Variants in PCDHGB4 observed in about 807,000 individuals in gnomAD.
PCDHGB4 encodes the protein protocadherin gamma-B4.
In PCDHGB4, 38 loss-of-function variants were observed where a neutral mutation model predicts 60.5. The observed-to-expected ratio is 0.63, with a 90% confidence interval of 0.48 to 0.82. PCDHGB4 has a LOEUF of 0.82. PCDHGB4 is among the 40% of genes least tolerant of loss of function. PCDHGB4 has a pLI of 0.00. For missense variants in PCDHGB4, 1,109 were observed against 1,209.6 expected (o/e 0.92, Z 1.23); for synonymous variants, 456 against 509.7 (o/e 0.89, Z 1.42).
chr5:141,474,703 C>A (rs2099353282), intron 1 of PCDHGB4, among the ~76,000 whole-genome samples: 1 of 152,188 alleles, frequency 6.6e-6, no homozygotes, highest in African/African-American at 2.4e-5. Flanking sequence ...GTTCAAGGTT[C>A]TATTATACTT....
chr5:141,399,603 A>G, intron 1 of PCDHGB4: 1 of 1,613,950 alleles, frequency 6.2e-7, no homozygotes, highest in Non-Finnish European at 8.5e-7. Flanking sequence ...CCAGCGACCT[A>G]GAGCCTCTGG....
chr5:141,423,423 G>C (rs1561809630), intron 1 of PCDHGB4: 2 of 1,614,096 alleles, frequency 1.2e-6, no homozygotes, highest in Non-Finnish European at 8.5e-7. Flanking sequence ...CTGAAGGCGG[G>C]TTGGCAGGTA....
In PCDHGB4 at chr5:141,476,653, C is replaced by T; in HGVS notation, c.2398-18154C>T. ...CCTATGAGCTGAGCCGAAATGAATA[C>T]TTTGCGCTTCGCGTGCAGACGCGGG... is the stretch of plus-strand genomic sequence containing the variant. On this transcript the variant is annotated intron_variant, in intron 1 of 3. Transcript: ENST00000519479. The surrounding 1 kb of genome is among the most constrained non-coding windows in gnomAD (Gnocchi z 7.6). 6.2e-7 allele frequency: 1 copy of T among 1,614,270 alleles called. No individual in the cohort carries two copies. The highest frequency in any genetic ancestry group is 8.5e-7 in the Non-Finnish European group (1 of 1,180,058).
intron 1 of PCDHGB4, among the ~76,000 whole-genome samples, chr5:141,434,345 G>C (rs1254991411): frequency 1.3e-5 from 2 of 152,144 alleles, no homozygotes; most frequent in African/African-American, 4.8e-5. Flanking sequence ...GTCGGGAACA[G>C]GCCCCCCAAA....
chr5:141,447,433 C>G (rs756021616), intron 1 of PCDHGB4, among the ~76,000 whole-genome samples: 1 of 152,118 alleles, frequency 6.6e-6, no homozygotes. Context: ...CCACCGCACC[C>G]GGAGGAAATT....
At chr5:141,403,317 A>G (rs576274199) in intron 1 of PCDHGB4, 2 of 1,613,974 alleles carry the variant, frequency 1.2e-6, no homozygotes, top group South Asian at 2.2e-5. Flanking sequence ...ATAGAAATAG[A>G]AGTAACTGAT....
Position 141,512,836 on chromosome 5 carries a change from T to G in PCDHGB4, c.*1663T>G, listed in dbSNP as rs1024777792. On this transcript the variant is annotated 3_prime_UTR_variant, in exon 4 of 4. Transcript: ENST00000519479. ...GGCGACCCCCTCCCCCGTACTGACTTCTCCTATAAGCGCTTCTCTTCGCAT... is the reference window on the plus strand; with the variant it reads ...GGCGACCCCCTCCCCCGTACTGACTGCTCCTATAAGCGCTTCTCTTCGCAT... 2 of 152,222 alleles carry G rather than the reference T, an allele frequency of 1.3e-5. No homozygotes were observed. Among genetic ancestry groups the G allele is most frequent in the African/African-American group, 4.8e-5 (2 of 41,412 alleles). The allele number at this position is 152,222 out of a possible 1,614,324, so 9.4% of individuals were successfully genotyped here. A position where few individuals can be genotyped will look rare whatever the true frequency, so the allele number is the denominator to read the frequency against.
intron 1 of PCDHGB4, among the ~76,000 whole-genome samples, chr5:141,492,337 C>T (rs559700346): frequency 1.0e-3 from 158 of 152,324 alleles, no homozygotes; most frequent in African/African-American, 3.7e-3. Flanking sequence ...TACGCGAATA[C>T]CAGCTTTCAC....
chr5:141,419,809 A>G (rs1181621732), intron 1 of PCDHGB4: 2 of 1,613,916 alleles, frequency 1.2e-6, no homozygotes, highest in African/African-American at 2.7e-5. Flanking sequence ...GAGATGGAGG[A>G]CAGCCACCCC....
Position 141,487,243 on chromosome 5 carries a change from C to T in PCDHGB4, c.2398-7564C>T. 1 of 1,614,114 alleles carries T rather than the reference C, an allele frequency of 6.2e-7. No individual in the cohort carries two copies. The highest frequency in any genetic ancestry group is 8.5e-7 in the Non-Finnish European group (1 of 1,180,000). Reference sequence around the variant, plus strand: ...CAAGGGAAGGAGAATCTCGTCTAACCCTCTACTTGGCTGTGTCCCTAGTGG... The same window carrying T: ...CAAGGGAAGGAGAATCTCGTCTAACTCTCTACTTGGCTGTGTCCCTAGTGG... On this transcript the variant is annotated intron_variant, in intron 1 of 3. Coordinates refer to ENST00000519479, the MANE Select transcript of PCDHGB4 (RefSeq NM_003736.4). The surrounding 1 kb of genome is among the most constrained non-coding windows in gnomAD (Gnocchi z 5.0).
intron 1 of PCDHGB4, chr5:141,395,406 G>C (rs923158895): frequency 1.2e-6 from 1 of 833,442 alleles, no homozygotes; most frequent in Non-Finnish European, 1.8e-6. Flanking sequence ...AATAGTCATA[G>C]GTTATTGTTT....
intron 1 of PCDHGB4, chr5:141,393,073 C>A: frequency 1.2e-6 from 2 of 1,613,658 alleles, no homozygotes; most frequent in Non-Finnish European, 8.5e-7. Flanking sequence ...TTGATCACCG[C>A]GGGCAGGATA....
At chr5:141,460,214 G>A (rs925628892) in intron 1 of PCDHGB4, among the ~76,000 whole-genome samples, 2 of 151,896 alleles carry the variant, frequency 1.3e-5, no homozygotes, top group Admixed American at 6.6e-5. Flanking sequence ...CATTTTCTTA[G>A]TTGTGTCTTT....
chr5:141,473,798 T>C lies in PCDHGB4; in HGVS notation c.2398-21009T>C, dbSNP rs1202883137. 2.6e-5 allele frequency among the ~76,000 whole-genome samples: 4 copies of C among 152,350 alleles called. 1 individual carries two copies. The highest frequency in any genetic ancestry group is 6.8e-3 in the Middle Eastern group (2 of 294). On this transcript the variant is annotated intron_variant, in intron 1 of 3. Transcript: ENST00000519479. ...TTTTAATTCAAGAGCAGTATGATGCTACTGAGGAGCAGCTGGACAATTGTG... is the reference window on the plus strand; with the variant it reads ...TTTTAATTCAAGAGCAGTATGATGCCACTGAGGAGCAGCTGGACAATTGTG...
chr5:141,411,921 T>C (rs1426892834), intron 1 of PCDHGB4: 1 of 152,234 alleles, frequency 6.6e-6, no homozygotes, highest in Non-Finnish European at 1.5e-5. Context: ...TCAGTCTCTG[T>C]CTCTGATTCT....
chr5:141,389,469 A>G lies in PCDHGB4; in HGVS notation c.1585A>G (p.Thr529Ala). ...DHEQLRAFEL[T>A]LQARDQGSPA... The stretch of plus-strand genomic sequence containing the variant: ...CGAGCAGCTGCGCGCCTTCGAACTC[A>G]CACTGCAGGCCCGCGACCAGGGCTC... The change falls in exon 1 of 4, where the codon ACA becomes GCA. Residue 529 changes from threonine (T) to alanine (A), a missense_variant. By Grantham distance (58) the Thr-to-Ala change is moderately conservative. Around this residue, in one of 2 missense-constraint regions of PCDHGB4, gnomAD observed 1,068 missense variants for 1,089.9 expected, o/e 0.98. Coordinates refer to ENST00000519479, the MANE Select transcript of PCDHGB4 (RefSeq NM_003736.4). The G allele has an allele frequency of 6.2e-7, 1 of 1,613,246 alleles. No individual in the cohort carries two copies. The highest frequency in any genetic ancestry group is 8.5e-7 in the Non-Finnish European group (1 of 1,179,854).
At chr5:141,447,725 C>G (rs1009407606) in intron 1 of PCDHGB4, among the ~76,000 whole-genome samples, 4 of 152,174 alleles carry the variant, frequency 2.6e-5, no homozygotes, top group African/African-American at 9.7e-5. Context: ...TTTTCCAAAA[C>G]TCATTGAACT....
At chr5:141,415,151 C>G in intron 1 of PCDHGB4, 2 of 1,613,814 alleles carry the variant, frequency 1.2e-6, no homozygotes, top group Non-Finnish European at 1.7e-6. Flanking sequence ...CCCCCTCTCT[C>G]CGCCACTGTC....
chr5:141,394,624 T>A (rs542816387), intron 1 of PCDHGB4: 6 of 1,612,992 alleles, frequency 3.7e-6, no homozygotes, highest in Non-Finnish European at 5.1e-6. Flanking sequence ...AACGCCTGGC[T>A]GTCCTACCGC....
Sources: gnomAD v4.1 joint callset for allele counts (sites outside exome capture counted in the v4.1 genomes callset) on GRCh38, gnomAD v4.1.1 for gene constraint, gnomAD v4.1.1 regional missense constraint, Gnocchi (gnomAD v3.1) non-coding constraint, MANE v1.5 for transcripts, NCBI Gene and HGNC (gene_info 2026-07-23, HGNC 2026-07-21) for gene names.